XRCC5: variants seen among roughly 807,000 people sequenced by gnomAD.
XRCC5 encodes the protein DNA repair protein Ku80.
Under a neutral mutation model 95.7 loss-of-function variants are expected in XRCC5, and 12 were observed. The observed-to-expected ratio is 0.13, with a 90% CI of 0.08 to 0.20. XRCC5 has a LOEUF of 0.20. Among genes scored for constraint, XRCC5 ranks in the 10% least tolerant of loss-of-function variants. The probability of loss-of-function intolerance (pLI) is 1.00; values close to 1 mark genes in which losing one functional copy is unlikely to be tolerated. For missense variants in XRCC5, 595 were observed against 873.9 expected (o/e 0.68, Z 4.02); for synonymous variants, 281 against 290.3 (o/e 0.97, Z 0.33).
intron 16 of XRCC5, among the ~76,000 whole-genome samples, chr2:216,166,604 A>G (rs1399002470): frequency 6.6e-6 from 1 of 152,120 alleles, no homozygotes. Flanking sequence ...ACTTGTTTGG[A>G]TATCTTCCAC....
intron 16 of XRCC5, chr2:216,175,351 TC>T: frequency 4.2e-6 from 2 of 474,136 alleles, no homozygotes; most frequent in East Asian, 5.6e-5. Flanking sequence ...TTGCACCACT[TC>T]CAGAGTTTCC....
At chr2:216,111,429 T>C (rs1476892049) in intron 1 of XRCC5, 1 of 448,038 alleles carries the variant, frequency 2.2e-6, no homozygotes, top group Admixed American at 2.4e-5. Context: ...AAGGCTGAGG[T>C]AGCGGGATCA....
intron 12 of XRCC5, 140 bp from the exon 13 acceptor site, chr2:216,141,046 G>GTGC: frequency 1.1e-6 from 1 of 904,402 alleles, no homozygotes; most frequent in African/African-American, 1.7e-5. Flanking sequence ...GGTTAAATAC[G>GTGC]TGCATAGCTA....
intron 6 of XRCC5, among the ~76,000 whole-genome samples, chr2:216,123,489 A>G (rs1696851613): frequency 6.6e-6 from 1 of 152,176 alleles, no homozygotes; most frequent in African/African-American, 2.4e-5. Context: ...GCCTTAAGCT[A>G]AACATATTAC....
At chr2:216,127,318 A>G (rs969564499) in intron 7 of XRCC5, among the ~76,000 whole-genome samples, 1 of 152,190 alleles carries the variant, frequency 6.6e-6, no homozygotes, top group African/African-American at 2.4e-5. Flanking sequence ...ATATTTGTGG[A>G]TTACTTTTGG....
At chr2:216,167,613 T>A (rs1206320632) in intron 16 of XRCC5, among the ~76,000 whole-genome samples, 12 of 129,718 alleles carry the variant, frequency 9.3e-5, no homozygotes, top group African/African-American at 3.3e-4. Context: ...TGTGTGTGTG[T>A]GATTTTTTTT....
intron 7 of XRCC5, among the ~76,000 whole-genome samples, chr2:216,126,907 C>CTT (rs532007858): frequency 6.9e-6 from 1 of 144,896 alleles, no homozygotes; most frequent in African/African-American, 2.5e-5. Flanking sequence ...TATATTGCTT[C>CTT]TTTTTTTTTT....
chr2:216,203,336 C>T (rs1241022379), intron 19 of XRCC5, among the ~76,000 whole-genome samples: 1 of 152,178 alleles, frequency 6.6e-6, no homozygotes, highest in African/African-American at 2.4e-5. Flanking sequence ...CTCTCTAAAA[C>T]ACTCACTCCT....
At chr2:216,134,676 C>T (rs931924986) in intron 10 of XRCC5, among the ~76,000 whole-genome samples, 1 of 151,094 alleles carries the variant, frequency 6.6e-6, no homozygotes, top group Admixed American at 6.6e-5. Context: ...TGATCCACCC[C>T]CCCCCCTCCT....
chr2:216,160,752 C>G (rs1385349327), intron 15 of XRCC5, among the ~76,000 whole-genome samples: 1 of 151,992 alleles, frequency 6.6e-6, no homozygotes, highest in Non-Finnish European at 1.5e-5. Context: ...GATAGGTTGT[C>G]ACTGTCACCC....
rs537716923 is a variant in XRCC5, at chr2:216,113,909, T to C, written c.135+780T>C. Among the ~76,000 whole-genome samples, 7 of 152,332 alleles carry C rather than the reference T, an allele frequency of 4.6e-5. No individual in the cohort carries two copies. The South Asian group carries it at 1.4e-3, about 32-fold the overall frequency. ...TTTAGAAGCCCCAGAAAGTCATTTCTGTTTTCTGTTAGTCAAGCAAGACAC... is the reference window on the plus strand; with the variant it reads ...TTTAGAAGCCCCAGAAAGTCATTTCCGTTTTCTGTTAGTCAAGCAAGACAC... On this transcript the variant is annotated intron_variant, in intron 2 of 20. Coordinates refer to ENST00000392132, the MANE Select transcript of XRCC5 (RefSeq NM_021141.4).
At chr2:216,111,531 GA>G (rs899280302) in intron 1 of XRCC5, 122 of 269,282 alleles carry the variant, frequency 4.5e-4, no homozygotes, top group Middle Eastern at 2.9e-3. Flanking sequence ...CAAAAAAAAG[GA>G]AAAAAAAATG....
At position 216,141,316 on chromosome 2, in the gene XRCC5, T is replaced by C. The variant is rs41257924; in HGVS notation, c.1473T>C (p.Phe491=). ...CAAATCCTCGATTTCAGAGATTATT[T>C]CAGGTAAGAGAAGAAGGATGAACAA... The part of the protein sequence containing the change: ...KIPNPRFQRL[F]QCLLHRALHP... Residue 491 remains phenylalanine (F), a synonymous_variant, in exon 13 of 21, where the codon TTT becomes TTC. Transcript: ENST00000392132. 9,730 of 1,614,050 alleles carry C rather than the reference T, an allele frequency of 6.0e-3. 45 individuals are homozygous for C. The highest frequency in any genetic ancestry group is 7.7e-3 in the South Asian group (704 of 91,080).
chr2:216,169,379 C>T (rs1019258371), intron 16 of XRCC5, among the ~76,000 whole-genome samples: 1 of 152,218 alleles, frequency 6.6e-6, no homozygotes, highest in Non-Finnish European at 1.5e-5. Context: ...GTAAAACCCA[C>T]TAGAACCAGT....
intron 7 of XRCC5, 111 bp from the exon 8 acceptor site, chr2:216,127,425 A>T: frequency 8.0e-7 from 1 of 1,243,962 alleles, no homozygotes; most frequent in Non-Finnish European, 1.1e-6. Context: ...TAATGGAGCT[A>T]GAGTAATTGT....
intron 14 of XRCC5, among the ~76,000 whole-genome samples, chr2:216,154,639 T>C (rs1688808867): frequency 6.6e-6 from 1 of 152,268 alleles, no homozygotes; most frequent in African/African-American, 2.4e-5. Context: ...TAGTGATTCT[T>C]AATCATGTGT....
At chr2:216,114,612 A>G (rs1030000248) in intron 2 of XRCC5, among the ~76,000 whole-genome samples, 1 of 152,060 alleles carries the variant, frequency 6.6e-6, no homozygotes. Context: ...AGGGGCCCCA[A>G]AGCTGTCAGG....
chr2:216,128,379 G>C (rs896671491), intron 8 of XRCC5, among the ~76,000 whole-genome samples: 1 of 152,166 alleles, frequency 6.6e-6, no homozygotes, highest in Non-Finnish European at 1.5e-5. Context: ...CTTTTCCTCT[G>C]TGACACTGTA....
chr2:216,202,454 G>C (rs1299631658), intron 19 of XRCC5, among the ~76,000 whole-genome samples: 1 of 152,214 alleles, frequency 6.6e-6, no homozygotes, highest in Non-Finnish European at 1.5e-5. Flanking sequence ...TCATATGCTA[G>C]TAAATGTATA....
Sources: allele counts gnomAD v4.1 joint callset (sites outside exome capture counted in the v4.1 genomes callset), GRCh38; gene constraint gnomAD v4.1.1; transcripts MANE v1.5; gene names NCBI Gene and HGNC (gene_info 2026-07-23, HGNC 2026-07-21).